The following CALN1 variants were observed in gnomAD, a reference collection of about 807,000 sequenced individuals.
CALN1 encodes calcium-binding protein 8.
CALN1 carries 17 observed loss-of-function variants against 30.6 expected under a neutral mutation model. The observed-to-expected ratio is 0.56, with a 90% CI of 0.38 to 0.83. The LOEUF (loss-of-function observed/expected upper bound fraction) is 0.83, where lower values mean the gene tolerates loss of function less well. CALN1 is among the 40% of genes least tolerant of loss of function. The pLI is 0.00. For missense variants in CALN1, 291 were observed against 354.9 expected, an observed-to-expected ratio of 0.82 and a Z score of 1.45; for synonymous variants, 156 against 131.4, an observed-to-expected ratio of 1.19 and a Z score of -1.28.
At chr7:72,336,812 G>GAGCGGGC (rs1802085920) in intron 2 of CALN1, 1 of 985,038 alleles carries the variant, frequency 1.0e-6, no homozygotes, top group Non-Finnish European at 1.2e-6. Context: ...TGGATGCGCC[G>GAGCGGGC]AGCGGGCAGC....
chr7:72,239,206 G>A (rs1794677775), intron 3 of CALN1, among the ~76,000 whole-genome samples: 1 of 152,142 alleles, frequency 6.6e-6, no homozygotes, highest in South Asian at 2.1e-4. Context: ...AGACCAGCCT[G>A]GGAAGCACAC....
intron 4 of CALN1, among the ~76,000 whole-genome samples, chr7:72,065,754 G>A (rs973228049): frequency 4.6e-5 from 7 of 152,172 alleles, no homozygotes; most frequent in South Asian, 2.1e-4. Flanking sequence ...TTAGCCAGGC[G>A]TGGAGGCGGG....
intron 5 of CALN1, among the ~76,000 whole-genome samples, chr7:71,995,512 C>T (rs531694490): frequency 1.3e-5 from 2 of 152,166 alleles, no homozygotes; most frequent in African/African-American, 2.4e-5. Flanking sequence ...AAATATGATA[C>T]AAAACTAAAC....
At chr7:71,945,615 TA>T (rs1796364975) in intron 5 of CALN1, among the ~76,000 whole-genome samples, 1 of 152,160 alleles carries the variant, frequency 6.6e-6, no homozygotes, top group Non-Finnish European at 1.5e-5. Flanking sequence ...AACCCTATTG[TA>T]AACTGCACAC....
intron 3 of CALN1, among the ~76,000 whole-genome samples, chr7:72,158,948 G>C (rs1414428287): frequency 6.6e-6 from 1 of 152,074 alleles, no homozygotes; most frequent in Non-Finnish European, 1.5e-5. Flanking sequence ...TGCCTCCCAG[G>C]TTCAAGCAAT....
chr7:72,337,591 CCCG>C (rs1221512940), intron 2 of CALN1: 1 of 153,026 alleles, frequency 6.5e-6, no homozygotes, highest in Admixed American at 6.5e-5. Context: ...CACCCTAGCG[CCCG>C]CCGCCTTCAC....
chr7:72,248,814 G>A (rs540738249), intron 3 of CALN1, among the ~76,000 whole-genome samples: 9 of 135,160 alleles, frequency 6.7e-5, no homozygotes, highest in Non-Finnish European at 8.6e-5. Context: ...ATTAAATTTC[G>A]ATCTAGATTT....
intron 3 of CALN1, among the ~76,000 whole-genome samples, chr7:72,172,142 C>G (rs931015526): frequency 6.6e-6 from 1 of 152,194 alleles, no homozygotes; most frequent in Non-Finnish European, 1.5e-5. Context: ...TGTGACTAAG[C>G]AAGAGCCATG....
chr7:71,857,380 C>A (rs1481041517), intron 5 of CALN1, among the ~76,000 whole-genome samples: 2 of 152,052 alleles, frequency 1.3e-5, no homozygotes, highest in African/African-American at 4.8e-5. Flanking sequence ...TGTGTCAGAC[C>A]CTTGTGAAGT....
At chr7:72,019,520 C>T (rs528616720) in intron 5 of CALN1, among the ~76,000 whole-genome samples, 2 of 152,320 alleles carry the variant, frequency 1.3e-5, no homozygotes, top group South Asian at 2.1e-4. Context: ...CTAGCACTGT[C>T]CTGGATCACT....
chr7:71,962,371 G>T (rs1797291772), intron 5 of CALN1, among the ~76,000 whole-genome samples: 1 of 152,230 alleles, frequency 6.6e-6, no homozygotes, highest in Non-Finnish European at 1.5e-5. Flanking sequence ...CCACTGCACT[G>T]CAGCCTGGGT....
intron 4 of CALN1, among the ~76,000 whole-genome samples, chr7:72,071,351 C>A (rs1046754252): frequency 6.6e-6 from 1 of 152,168 alleles, no homozygotes; most frequent in African/African-American, 2.4e-5. Flanking sequence ...CTCCACCCCA[C>A]CCCCAACCCT....
chr7:72,361,583 G>A (rs977745059), intron 2 of CALN1, among the ~76,000 whole-genome samples: 1 of 152,098 alleles, frequency 6.6e-6, no homozygotes, highest in Non-Finnish European at 1.5e-5. Context: ...TTTTATAAAA[G>A]TTTACCATAA....
At chr7:72,097,330 G>A (rs6979774) in intron 4 of CALN1, among the ~76,000 whole-genome samples, 38,109 of 152,074 alleles carry the variant, frequency 0.25, 5,023 homozygotes, top group Middle Eastern at 0.29. Flanking sequence ...TGAAAATGCA[G>A]AAATCAGTCA....
At chr7:71,932,390 C>T (rs1795599503) in intron 5 of CALN1, among the ~76,000 whole-genome samples, 2 of 152,070 alleles carry the variant, frequency 1.3e-5, no homozygotes, top group South Asian at 4.1e-4. Context: ...TGGTCTTGAA[C>T]TCCTGGTCTG....
intron 5 of CALN1, among the ~76,000 whole-genome samples, chr7:71,939,563 A>C (rs1160029662): frequency 6.8e-6 from 1 of 146,320 alleles, no homozygotes; most frequent in Non-Finnish European, 1.5e-5. Flanking sequence ...ATAGAGCAAG[A>C]TGTTGTCTCA....
chr7:71,988,418 G>A (rs1798786687), intron 5 of CALN1, among the ~76,000 whole-genome samples: 1 of 152,096 alleles, frequency 6.6e-6, no homozygotes. Flanking sequence ...TGCGGCAGAG[G>A]CGGCTCTCAG....
In CALN1 at chr7:72,094,691, G is replaced by T. The variant is rs139368306; in HGVS notation, c.388+11460C>A. The stretch of plus-strand genomic sequence containing the variant: ...GGCATACCTTCCTGGGCATACTGTA[G>T]AAGACAGACTTGCTTAGGGAGATAG... On this transcript the variant is annotated intron_variant, in intron 4 of 6. Transcript: ENST00000395275. 8.5e-3 allele frequency among the ~76,000 whole-genome samples: 1,290 copies of T among 152,306 alleles called. 25 individuals are homozygous for T. Among genetic ancestry groups the T allele is most frequent in the African/African-American group, 0.029 (1,211 of 41,570 alleles).
At chr7:71,836,055 C>A (rs1789580410) in intron 5 of CALN1, among the ~76,000 whole-genome samples, 1 of 152,160 alleles carries the variant, frequency 6.6e-6, no homozygotes, top group Non-Finnish European at 1.5e-5. Flanking sequence ...CCAAAGACAT[C>A]TCAATGAGAA....
Sources: gnomAD v4.1 joint callset for allele counts (sites outside exome capture counted in the v4.1 genomes callset) on GRCh38, gnomAD v4.1.1 for gene constraint, MANE v1.5 for transcripts, NCBI Gene and HGNC (gene_info 2026-07-23, HGNC 2026-07-21) for gene names.